NKAIN3: variants seen among roughly 807,000 people sequenced by gnomAD.
NKAIN3 encodes sodium/potassium-transporting ATPase subunit beta-1-interacting protein 3.
NKAIN3 carries 25 observed loss-of-function variants against 30.2 expected under a neutral mutation model. The ratio of observed to expected loss-of-function variants is 0.83; its 90% confidence interval spans 0.60 to 1.16. NKAIN3 has a LOEUF of 1.16. Among genes scored for constraint, NKAIN3 ranks in the 50% most tolerant of loss-of-function variants. The pLI is 0.00. For synonymous variants in NKAIN3, 91 were observed against 89.6 expected, an observed-to-expected ratio of 1.02 and a Z score of -0.09; for missense variants, 225 against 254.1, an observed-to-expected ratio of 0.89 and a Z score of 0.78.
At chr8:62,393,359 C>A (rs1817630320) in intron 1 of NKAIN3, among the ~76,000 whole-genome samples, 1 of 151,870 alleles carries the variant, frequency 6.6e-6, no homozygotes, top group Non-Finnish European at 1.5e-5. Flanking sequence ...AAAACACGAT[C>A]TTCATTTCAT....
intron 4 of NKAIN3, among the ~76,000 whole-genome samples, chr8:62,842,430 A>G (rs971598019): frequency 6.6e-6 from 1 of 152,130 alleles, no homozygotes; most frequent in South Asian, 2.1e-4. Flanking sequence ...TAAAATTCCC[A>G]TACTACAAAA....
At chr8:62,912,912 A>T (rs1162974892) in intron 4 of NKAIN3, among the ~76,000 whole-genome samples, 1 of 152,120 alleles carries the variant, frequency 6.6e-6, no homozygotes, top group Non-Finnish European at 1.5e-5. Context: ...TCTGTCTCAA[A>T]AAAAAAAGGA....
chr8:62,901,707 G>A (rs1395111126), intron 4 of NKAIN3, among the ~76,000 whole-genome samples: 1 of 152,188 alleles, frequency 6.6e-6, no homozygotes, highest in Non-Finnish European at 1.5e-5. Flanking sequence ...TTACAGAAAA[G>A]CAGGATTCCC....
chr8:62,492,123 T>C (rs1367525975), intron 1 of NKAIN3, among the ~76,000 whole-genome samples: 2 of 152,014 alleles, frequency 1.3e-5, no homozygotes, highest in Non-Finnish European at 2.9e-5. Context: ...ACATAGCAAA[T>C]TGTAGAAAAC....
At chr8:62,896,122 A>G (rs1010363084) in intron 4 of NKAIN3, among the ~76,000 whole-genome samples, 4 of 152,160 alleles carry the variant, frequency 2.6e-5, no homozygotes, top group Non-Finnish European at 5.9e-5. Flanking sequence ...GAGGACAGGA[A>G]GTCCAAGATC....
chr8:62,281,927 A>G (rs1385576358), intron 1 of NKAIN3, among the ~76,000 whole-genome samples: 4 of 152,072 alleles, frequency 2.6e-5, no homozygotes, highest in Non-Finnish European at 5.9e-5. Flanking sequence ...TTAAAAAAGC[A>G]TGCTTGTTCC....
intron 3 of NKAIN3, among the ~76,000 whole-genome samples, chr8:62,593,382 G>C (rs1810717180): frequency 6.6e-6 from 1 of 151,884 alleles, no homozygotes; most frequent in South Asian, 2.1e-4. Flanking sequence ...ATTCCTATCA[G>C]TGTTTAGAGG....
At chr8:62,960,889 G>C (rs1283765170) in intron 6 of NKAIN3, among the ~76,000 whole-genome samples, 1 of 151,972 alleles carries the variant, frequency 6.6e-6, no homozygotes, top group Admixed American at 6.6e-5. Context: ...CAAACAGAGA[G>C]AGAGAAAAAG....
intron 1 of NKAIN3, among the ~76,000 whole-genome samples, chr8:62,254,153 CGTGTGTGT>C (rs10629239): frequency 0.44 from 60,635 of 136,860 alleles, 13,194 homozygotes; most frequent in East Asian, 0.55. Context: ...GCTTGGGTAT[CGTGTGTGT>C]GTGTGTGTGT....
intron 1 of NKAIN3, among the ~76,000 whole-genome samples, chr8:62,328,413 A>T (rs1373729486): frequency 6.6e-6 from 1 of 152,142 alleles, no homozygotes; most frequent in African/African-American, 2.4e-5. Context: ...ACCTATAATG[A>T]GAGGGGTCGT....
chr8:62,990,213 T>C, intron 5 of NKAIN3: 1 of 1,551,754 alleles, frequency 6.4e-7, no homozygotes, highest in Admixed American at 1.9e-5. Flanking sequence ...ATCCAGATGC[T>C]GCAAATTATT....
intron 3 of NKAIN3, among the ~76,000 whole-genome samples, chr8:62,608,433 A>G (rs560411562): frequency 2.6e-5 from 4 of 152,328 alleles, no homozygotes; most frequent in African/African-American, 9.6e-5. Context: ...TCAATAAAAT[A>G]AAAATGTACA....
At chr8:62,994,467 C>CT (rs138062737) in intron 5 of NKAIN3, among the ~76,000 whole-genome samples, 2,308 of 152,250 alleles carry the variant, frequency 0.015, 64 homozygotes, top group African/African-American at 0.052. Context: ...CTGGTCATCT[C>CT]TGGGAAAAAG....
At chr8:62,638,992 T>G (rs1812221909) in intron 3 of NKAIN3, among the ~76,000 whole-genome samples, 1 of 152,138 alleles carries the variant, frequency 6.6e-6, no homozygotes, top group Non-Finnish European at 1.5e-5. Flanking sequence ...CTGAAGAAAT[T>G]TGTAACTTTC....
chr8:62,418,284 G>A (rs2129596552), intron 1 of NKAIN3, among the ~76,000 whole-genome samples: 2 of 152,264 alleles, frequency 1.3e-5, no homozygotes, highest in East Asian at 3.9e-4. Flanking sequence ...ACTAAGATAT[G>A]TAAAATTAGC....
intron 5 of NKAIN3, among the ~76,000 whole-genome samples, chr8:62,940,614 A>C (rs1337042625): frequency 9.2e-5 from 14 of 152,218 alleles, no homozygotes; most frequent in Non-Finnish European, 4.4e-5. Flanking sequence ...TTGCAAAAGG[A>C]AACCTCAAAA....
At chr8:62,727,795 C>G (rs1307363257) in intron 3 of NKAIN3, among the ~76,000 whole-genome samples, 1 of 152,064 alleles carries the variant, frequency 6.6e-6, no homozygotes, top group Non-Finnish European at 1.5e-5. Context: ...TCAACAAAAT[C>G]TTAATTGAAA....
intron 4 of NKAIN3, among the ~76,000 whole-genome samples, chr8:62,780,222 C>A (rs543348117): frequency 1.2e-4 from 18 of 152,172 alleles, no homozygotes; most frequent in Admixed American, 1.2e-3. Context: ...AAATATACAA[C>A]CTACTGAGAT....
chr8:62,815,682 A>C (rs141856840), intron 4 of NKAIN3, among the ~76,000 whole-genome samples: 3,006 of 152,282 alleles, frequency 0.02, 106 homozygotes, highest in African/African-American at 0.069. Context: ...CTTCATGCTA[A>C]AAACTCTCAA....
Sources: allele counts gnomAD v4.1 joint callset (sites outside exome capture counted in the v4.1 genomes callset), GRCh38; gene constraint gnomAD v4.1.1; transcripts MANE v1.5; gene names NCBI Gene and HGNC (gene_info 2026-07-23, HGNC 2026-07-21).